Variants in ERBIN observed in about 807,000 individuals in gnomAD.
The protein encoded by ERBIN is erbb2 interacting protein.
In ERBIN, 60 loss-of-function variants were observed where a neutral mutation model predicts 158.4. That is an observed-to-expected ratio of 0.38 (90% CI 0.31 to 0.47). The LOEUF is 0.47. ERBIN is among the 20% of genes least tolerant of loss of function. ERBIN has a pLI of 0.99. For missense variants in ERBIN, 1,610 were observed against 1,648.0 expected, an observed-to-expected ratio of 0.98 and a Z score of 0.40; for synonymous variants, 594 against 557.2, an observed-to-expected ratio of 1.07 and a Z score of -0.93.
chr5:66,044,200 GT>G lies in ERBIN; in HGVS notation c.1494del (p.Gln499LysfsTer7). On this transcript the variant is annotated frameshift_variant, in exon 17 of 26. Coordinates refer to ENST00000284037, the MANE Select transcript of ERBIN (RefSeq NM_001253697.2). LOFTEE classifies it high-confidence loss of function. ...PDELKNMVKT[V>X]QTIVHRLKDE... is the part of the protein sequence containing the mutation. ...TGAGCTTAAGAATATGGTCAAAACT[GT>G]TCAAACCATTGTACATAGATTAAAA... is the stretch of plus-strand genomic sequence containing the variant. 2 of 1,610,066 alleles carry G rather than the reference GT, an allele frequency of 1.2e-6. No homozygotes were observed. The highest frequency in any genetic ancestry group is 1.7e-6 in the Non-Finnish European group (2 of 1,178,494).
intron 21 of ERBIN, 174 bp downstream of exon 21, chr5:66,055,125 A>C (rs1355420110): frequency 8.7e-6 from 12 of 1,383,258 alleles, no homozygotes; most frequent in Non-Finnish European, 1.0e-5. Flanking sequence ...TGGGATGATA[A>C]TGTGTGTTTC....
chr5:66,073,246 C>G (rs1448019563), intron 22 of ERBIN, among the ~76,000 whole-genome samples: 1 of 152,108 alleles, frequency 6.6e-6, no homozygotes, highest in Non-Finnish European at 1.5e-5. Flanking sequence ...GAGAAAGATA[C>G]TGAATTTGCA....
intron 21 of ERBIN, chr5:66,068,829 T>C: frequency 6.8e-7 from 1 of 1,464,292 alleles, no homozygotes; most frequent in Admixed American, 2.3e-5. Context: ...TCTCGTGGAT[T>C]TTGCATGCTA....
rs142496054 is a variant in ERBIN at position 66,054,451 on chromosome 5, C to T, written c.3133C>T (p.His1045Tyr). The change falls in exon 21 of 26, where the codon CAT becomes TAT. Residue 1045 changes from histidine to tyrosine, a missense_variant. By Grantham distance (83) the His-to-Tyr change is moderately conservative. This residue lies in a region of ERBIN where 1,014 missense variants were observed against 936.1 expected (regional missense o/e 1.08). Transcript: ENST00000284037. ...TCGAGCTAATACTGCATACCATTTA[C>T]ATCAGAGACTTGGCCCAGCAAGACA... The part of the protein sequence containing the change: ...NVRANTAYHL[H>Y]QRLGPARHGE... The T allele has an allele frequency of 7.9e-3, 12,799 of 1,614,152 alleles. 74 individuals are homozygous for T. Among genetic ancestry groups the T allele is most frequent in the Middle Eastern group, 0.013 (78 of 6,062 alleles).
At chr5:65,984,965 CT>C (rs1456097448) in intron 1 of ERBIN, 3 of 151,570 alleles carry the variant, frequency 2.0e-5, no homozygotes, top group Non-Finnish European at 4.4e-5. Flanking sequence ...CAAACTGAGA[CT>C]TTTGTCAAAA....
chr5:66,026,060 A>G (rs1756209344), intron 12 of ERBIN, 83 bp downstream of exon 12: 1 of 1,177,200 alleles, frequency 8.5e-7, no homozygotes, highest in South Asian at 1.6e-5. Context: ...GTGTGGCTTC[A>G]TTTATTTTCT....
chr5:65,952,763 A>G (rs915512235), intron 1 of ERBIN, among the ~76,000 whole-genome samples: 1 of 152,188 alleles, frequency 6.6e-6, no homozygotes, highest in Non-Finnish European at 1.5e-5. Flanking sequence ...TGTGGTTTAC[A>G]GTTTAGTGAA....
chr5:66,075,912 C>G (rs1650023079), intron 23 of ERBIN, among the ~76,000 whole-genome samples: 1 of 151,980 alleles, frequency 6.6e-6, no homozygotes, highest in African/African-American at 2.4e-5. Context: ...TTTTAGATAT[C>G]TTATGTAACA....
At position 66,075,644 on chromosome 5, in the gene ERBIN, G is replaced by A. The variant is rs537944934; in HGVS notation, c.3963+414G>A. ...CTTAAAAAGTACTTTAAAAGTCAGC[G>A]AGCTACACATTCTTATATCTTGATA... On this transcript the variant is annotated intron_variant, in intron 23 of 25. Coordinates refer to ENST00000284037, the MANE Select transcript of ERBIN (RefSeq NM_001253697.2). Among the ~76,000 whole-genome samples, 6 of 152,190 alleles carry A rather than the reference G, an allele frequency of 3.9e-5. No individual in the cohort carries two copies. In the East Asian group the frequency reaches 5.8e-4, roughly 15 times the overall value.
chr5:65,934,098 G>A (rs1041425381), intron 1 of ERBIN, among the ~76,000 whole-genome samples: 2 of 152,038 alleles, frequency 1.3e-5, no homozygotes, highest in African/African-American at 2.4e-5. Context: ...GGGTTTCACC[G>A]TGTTAGCCAG....
intron 1 of ERBIN, among the ~76,000 whole-genome samples, chr5:65,973,834 T>C (rs1749554823): frequency 6.6e-6 from 1 of 151,194 alleles, no homozygotes; most frequent in Non-Finnish European, 1.5e-5. Flanking sequence ...TTTTAGGTTT[T>C]TAAAGGGGAA....
chr5:65,985,523 A>G (rs1422073006), intron 1 of ERBIN, among the ~76,000 whole-genome samples: 1 of 152,210 alleles, frequency 6.6e-6, no homozygotes, highest in East Asian at 1.9e-4. Context: ...AGTTGCAATT[A>G]CAGCCAAGAT....
chr5:66,054,235 G>A lies in ERBIN; in HGVS notation c.2917G>A (p.Gly973Ser). Residue 973 changes from glycine to serine, a missense_variant, in exon 21 of 26, where the codon GGT becomes AGT. Gly to Ser is a moderately conservative substitution (Grantham distance 56). This residue lies in a region of ERBIN where 1,014 missense variants were observed against 936.1 expected (regional missense o/e 1.08). Transcript: ENST00000284037. ...SGPQSAPQIY[G>S]PPQYNIQYSS... ...CCCACAATCTGCACCTCAAATATAT[G>A]GTCCTCCACAGTATAATATCCAATA... The A allele has an allele frequency of 6.2e-7, 1 of 1,614,030 alleles. No individual in the cohort carries two copies.
chr5:65,951,889 T>C (rs1746538153), intron 1 of ERBIN, among the ~76,000 whole-genome samples: 1 of 152,230 alleles, frequency 6.6e-6, no homozygotes, highest in Non-Finnish European at 1.5e-5. Flanking sequence ...GTTTGACACA[T>C]GTATGCTGTT....
At chr5:66,060,136 T>G (rs140279789) in intron 21 of ERBIN, among the ~76,000 whole-genome samples, 2,664 of 152,312 alleles carry the variant, frequency 0.017, 79 homozygotes, top group African/African-American at 0.061. Context: ...CTTGTAACTC[T>G]GGTAGAATTC....
chr5:66,006,789 G>C (rs976467411), intron 4 of ERBIN, among the ~76,000 whole-genome samples: 1 of 151,972 alleles, frequency 6.6e-6, no homozygotes, highest in Non-Finnish European at 1.5e-5. Flanking sequence ...ACATGAAAAA[G>C]TGCTCATCAT....
At chr5:66,062,581 G>T (rs184931668) in intron 21 of ERBIN, among the ~76,000 whole-genome samples, 17 of 152,314 alleles carry the variant, frequency 1.1e-4, no homozygotes, top group Non-Finnish European at 1.0e-4. Flanking sequence ...TCCGTTGCTG[G>T]TGAGGAGCTG....
rs1269616051 is a variant in ERBIN, at chr5:66,081,896, C to CT, written c.*3369dup. 1 of 150,064 alleles carries CT rather than the reference C, an allele frequency of 6.7e-6. No individual in the cohort carries two copies. The highest frequency in any genetic ancestry group is 6.6e-5 in the Admixed American group (1 of 15,106). 9.3% of individuals were successfully genotyped at this position (150,064 alleles called of 1,614,324 possible). A position where few individuals can be genotyped will look rare whatever the true frequency, so the allele number is the denominator to read the frequency against. On this transcript the variant is annotated 3_prime_UTR_variant, in exon 26 of 26. Transcript: ENST00000284037. ...TGATGAACAAGTGAACAAGATGCCT[C>CT]TTTAAAAAAAAAAAAGAAAAAGTAA...
intron 3 of ERBIN, 80 bp from the exon 4 acceptor site, chr5:65,994,667 T>C: frequency 1.3e-6 from 1 of 758,006 alleles, no homozygotes; most frequent in Non-Finnish European, 2.2e-6. Flanking sequence ...TCAGTTTTAA[T>C]ATGGCTGATA....
Sources: gnomAD v4.1 joint callset for allele counts (sites outside exome capture counted in the v4.1 genomes callset) on GRCh38, gnomAD v4.1.1 for gene constraint, gnomAD v4.1.1 regional missense constraint, MANE v1.5 for transcripts, NCBI Gene and HGNC (gene_info 2026-07-23, HGNC 2026-07-21) for gene names.